C2orf69: variants seen among roughly 807,000 people sequenced by gnomAD.
C2orf69 encodes chromosome 2 open reading frame 69, also known as mitochondrial protein C2orf69.
C2orf69 carries 19 observed loss-of-function variants against 29.5 expected under a neutral mutation model. That is an observed-to-expected ratio of 0.65 (90% confidence interval 0.45 to 0.95). The LOEUF is 0.95. C2orf69 is among the 40% of genes least tolerant of loss of function. The pLI, the probability that C2orf69 is intolerant of heterozygous loss-of-function variation, is 0.00. For missense variants in C2orf69, 416 were observed against 482.1 expected (o/e 0.86, Z 1.28); for synonymous variants, 194 against 180.0 (o/e 1.08, Z -0.62).
intron 1 of C2orf69, among the ~76,000 whole-genome samples, chr2:199,922,072 A>G (rs1351587837): frequency 1.0e-4 from 6 of 59,170 alleles, no homozygotes; most frequent in South Asian, 6.4e-4. Context: ...GAGACATTCT[A>G]TACTTATGTG....
At position 199,927,155 on chromosome 2, in the gene C2orf69, A is replaced by AAT. The variant is rs1436342950; in HGVS notation, c.*1271_*1272dup. 1 of 152,146 alleles carries AAT rather than the reference A, an allele frequency of 6.6e-6. No homozygotes were observed. Among genetic ancestry groups the AAT allele is most frequent in the Non-Finnish European group, 1.5e-5 (1 of 67,994 alleles). The allele number at this position is 152,146 out of a possible 1,614,324, so 9.4% of individuals were successfully genotyped here. A position where few individuals can be genotyped will look rare whatever the true frequency, so the allele number is the denominator to read the frequency against. On this transcript the variant is annotated 3_prime_UTR_variant, in exon 2 of 2. Coordinates refer to ENST00000319974, the MANE Select transcript of C2orf69 (RefSeq NM_153689.6). ...CTGCCCGTTTTTCTTGACCTAGATA[A>AAT]ATACACTTTGAGAAATCCAGATCTA...
Position 199,911,353 on chromosome 2 carries a change from C to T in C2orf69, c.-86C>T, listed in dbSNP as rs552674272. On this transcript the variant is annotated 5_prime_UTR_variant, in exon 1 of 2. Coordinates refer to ENST00000319974, the MANE Select transcript of C2orf69 (RefSeq NM_153689.6). ...GGGCCGCGGCCGCCGACCGTTGAGC[C>T]GCCGGCTGAGCCGCCTGCTGAAGTC... The T allele has an allele frequency of 5.1e-6, 7 of 1,366,972 alleles. No individual in the cohort carries two copies. The highest frequency in any genetic ancestry group is 1.9e-6 in the Non-Finnish European group (2 of 1,065,504). 84.7% of individuals were successfully genotyped at this position (1,366,972 alleles called of 1,614,324 possible). A position where few individuals can be genotyped will look rare whatever the true frequency, so the allele number is the denominator to read the frequency against.
chr2:199,911,620 C>G lies in C2orf69; in HGVS notation c.182C>G (p.Pro61Arg). The change falls in exon 1 of 2, where the codon CCT becomes CGT. Residue 61 changes from proline (P) to arginine (R), a missense_variant. Pro to Arg is a moderately radical substitution (Grantham distance 103, BLOSUM62 -2). Coordinates refer to ENST00000319974, the MANE Select transcript of C2orf69 (RefSeq NM_153689.6). ...RRQCLQLSTV[P>R]GADPQRSNEL... ...CAGTGCCTGCAGCTTTCCACCGTGC[C>G]TGGAGCCGATCCGCAGCGCAGCAAC... The G allele has an allele frequency of 6.5e-7, 1 of 1,549,634 alleles. No homozygotes were observed. The highest frequency in any genetic ancestry group is 8.7e-7 in the Non-Finnish European group (1 of 1,146,628).
chr2:199,926,847 A>G lies in C2orf69; in HGVS notation c.*961A>G, dbSNP rs563392501. Reference sequence around the variant, plus strand: ...CAGAGCAAATTTCAAATTTTTCATTATATCAGTCTTTTTGAAAGGATCAAC... The same window carrying G: ...CAGAGCAAATTTCAAATTTTTCATTGTATCAGTCTTTTTGAAAGGATCAAC... On this transcript the variant is annotated 3_prime_UTR_variant, in exon 2 of 2. Coordinates refer to ENST00000319974, the MANE Select transcript of C2orf69 (RefSeq NM_153689.6). 4.6e-5 allele frequency: 7 copies of G among 152,718 alleles called. No homozygotes were observed. The highest frequency in any genetic ancestry group is 2.1e-4 in the South Asian group (1 of 4,826). 9.5% of individuals were successfully genotyped at this position (152,718 alleles called of 1,614,324 possible).
rs372750379 is a variant in C2orf69, at chr2:199,916,772, C to A, written c.333+5001C>A. ...TGATGCAAGAGGTGGACTCCTGTGG[C>A]TTTGCAGGGTACAGCCCCCCTCCAG... On this transcript the variant is annotated intron_variant, in intron 1 of 1. Coordinates refer to ENST00000319974, the MANE Select transcript of C2orf69 (RefSeq NM_153689.6). Among the ~76,000 whole-genome samples the A allele has an allele frequency of 4.3e-4, 66 of 152,308 alleles. 2 individuals are homozygous for A. Among genetic ancestry groups the A allele is most frequent in the African/African-American group, 1.6e-3 (65 of 41,572 alleles).
intron 1 of C2orf69, among the ~76,000 whole-genome samples, chr2:199,914,634 ATCTTTTCCCACCC>A: frequency 6.6e-6 from 1 of 151,980 alleles, no homozygotes; most frequent in Non-Finnish European, 1.5e-5. Context: ...CATTATTTCT[ATCTTTTCCCACCC>A]TGTTACCTAT....
intron 1 of C2orf69, among the ~76,000 whole-genome samples, chr2:199,913,282 CTAT>C (rs1376160177): frequency 4.4e-4 from 12 of 27,490 alleles, no homozygotes; most frequent in African/African-American, 1.4e-3. Flanking sequence ...AATATATATT[CTAT>C]TATATAATAT....
intron 1 of C2orf69, among the ~76,000 whole-genome samples, chr2:199,915,967 C>G (rs1487134441): frequency 1.3e-5 from 2 of 152,160 alleles, no homozygotes; most frequent in African/African-American, 4.8e-5. Context: ...TTTAAAAATT[C>G]TGTACTTTTC....
At chr2:199,913,307 T>G (rs1361033438) in intron 1 of C2orf69, among the ~76,000 whole-genome samples, 1 of 103,300 alleles carries the variant, frequency 9.7e-6, no homozygotes, top group Non-Finnish European at 1.8e-5. Flanking sequence ...TATTCTATTA[T>G]AATATATATT....
At chr2:199,914,696 C>A (rs796206559) in intron 1 of C2orf69, among the ~76,000 whole-genome samples, 3 of 152,214 alleles carry the variant, frequency 2.0e-5, no homozygotes, top group African/African-American at 7.2e-5. Context: ...CTTCTCCAGC[C>A]TCTCTGGCTT....
At chr2:199,921,293 A>G (rs2077315161) in intron 1 of C2orf69, among the ~76,000 whole-genome samples, 1 of 152,044 alleles carries the variant, frequency 6.6e-6, no homozygotes, top group Non-Finnish European at 1.5e-5. Flanking sequence ...GACGTGAGCT[A>G]CTGTGCCCGG....
intron 1 of C2orf69, among the ~76,000 whole-genome samples, chr2:199,916,155 G>A (rs2077291987): frequency 6.6e-6 from 1 of 152,166 alleles, no homozygotes; most frequent in Non-Finnish European, 1.5e-5. Context: ...GGAAGCAAAT[G>A]TGTCCTTCTT....
intron 1 of C2orf69, among the ~76,000 whole-genome samples, chr2:199,920,991 C>G (rs1224033447): frequency 9.2e-6 from 1 of 108,664 alleles, no homozygotes; most frequent in Non-Finnish European, 1.9e-5. Context: ...TGTTGGCCTT[C>G]TAGGAATTAG....
rs2077333720 is a variant in C2orf69, at chr2:199,925,962, G to C, written c.*76G>C. 2.1e-6 allele frequency: 2 copies of C among 956,412 alleles called. No individual in the cohort carries two copies. The highest frequency in any genetic ancestry group is 3.3e-5 in the African/African-American group (2 of 60,862). The allele number at this position is 956,412 out of a possible 1,614,324, so 59.2% of individuals were successfully genotyped here. A position where few individuals can be genotyped will look rare whatever the true frequency, so the allele number is the denominator to read the frequency against. On this transcript the variant is annotated 3_prime_UTR_variant, in exon 2 of 2. Coordinates refer to ENST00000319974, the MANE Select transcript of C2orf69 (RefSeq NM_153689.6). This position sits in a 1 kb window ranked among gnomAD's most constrained non-coding sequence, Gnocchi z 4.9. ...TGAGTGTTATAAATTCAGATAATGGGATGTAATTCATAGCTGCATTGTCAG... is the reference window on the plus strand; with the variant it reads ...TGAGTGTTATAAATTCAGATAATGGCATGTAATTCATAGCTGCATTGTCAG...
At position 199,926,107 on chromosome 2, in the gene C2orf69, A is replaced by G. The variant is rs1199259720; in HGVS notation, c.*221A>G. 2.1e-6 allele frequency: 1 copy of G among 482,682 alleles called. No homozygotes were observed. The highest frequency in any genetic ancestry group is 3.7e-6 in the Non-Finnish European group (1 of 270,442). The allele number at this position is 482,682 out of a possible 1,614,324, so 29.9% of individuals were successfully genotyped here. On this transcript the variant is annotated 3_prime_UTR_variant, in exon 2 of 2. Transcript: ENST00000319974. The stretch of plus-strand genomic sequence containing the variant: ...ATTGAGTTAGAATTAGTTAATTTGA[A>G]ATCTAACAAGGTGGTTTGTAATAAT...
intron 1 of C2orf69, among the ~76,000 whole-genome samples, chr2:199,915,648 A>T (rs1417454972): frequency 6.6e-6 from 1 of 152,046 alleles, no homozygotes; most frequent in Non-Finnish European, 1.5e-5. Context: ...CTGGGACTAC[A>T]GGAGCATGCC....
rs1574776676 is a variant in C2orf69 at position 199,911,851 on chromosome 2, C to T, written c.333+80C>T. The T allele has an allele frequency of 9.2e-6, 14 of 1,522,728 alleles. No homozygotes were observed. In the South Asian group the frequency reaches 1.5e-4, roughly 16 times the overall value. 94.3% of individuals were successfully genotyped at this position (1,522,728 alleles called of 1,614,324 possible). A position where few individuals can be genotyped will look rare whatever the true frequency, so the allele number is the denominator to read the frequency against. ...GTCACTGATTCTTCCCTCGTGGCTGCTGCCTGGTTCCTTTCCTTGCCTGAA... is the reference window on the plus strand; with the variant it reads ...GTCACTGATTCTTCCCTCGTGGCTGTTGCCTGGTTCCTTTCCTTGCCTGAA... On this transcript the variant is annotated intron_variant, in intron 1 of 1. Coordinates refer to ENST00000319974, the MANE Select transcript of C2orf69 (RefSeq NM_153689.6).
chr2:199,915,717 A>G lies in C2orf69; in HGVS notation c.333+3946A>G, dbSNP rs146229470. On this transcript the variant is annotated intron_variant, in intron 1 of 1. Transcript: ENST00000319974. ...TTTTTAGTAGAGATGGGGTTTCACC[A>G]TGTTGACCAGGCTGGTCTCAAACTC... Among the ~76,000 whole-genome samples, 1,194 of 151,962 alleles carry G rather than the reference A, an allele frequency of 7.9e-3. 15 individuals carry two copies. The highest frequency in any genetic ancestry group is 0.027 in the African/African-American group (1,136 of 41,460).
At chr2:199,914,991 C>T (rs138705813) in intron 1 of C2orf69, among the ~76,000 whole-genome samples, 13 of 152,258 alleles carry the variant, frequency 8.5e-5, no homozygotes, top group African/African-American at 2.6e-4. Context: ...TATAAGCTTA[C>T]GTTTGTTCAC....
Sources: allele counts gnomAD v4.1 joint callset (sites outside exome capture counted in the v4.1 genomes callset), GRCh38; gene constraint gnomAD v4.1.1; non-coding constraint Gnocchi (gnomAD v3.1); transcripts MANE v1.5; gene names NCBI Gene and HGNC (gene_info 2026-07-23, HGNC 2026-07-21).